PIK3R5: variants seen among roughly 807,000 people sequenced by gnomAD.
The protein encoded by PIK3R5 is phosphoinositide-3-kinase regulatory subunit 5, also known as phosphoinositide 3-kinase regulatory subunit 5.
PIK3R5 carries 32 observed loss-of-function variants against 94.9 expected under a neutral mutation model. That is an observed-to-expected ratio of 0.34 (90% confidence interval 0.25 to 0.45). The LOEUF (loss-of-function observed/expected upper bound fraction) is 0.45. PIK3R5 is among the 20% of genes least tolerant of loss of function. The pLI, the probability that PIK3R5 is intolerant of heterozygous loss-of-function variation, is 1.00. For missense variants in PIK3R5, 853 were observed against 1,144.6 expected (o/e 0.75, Z 3.68); for synonymous variants, 443 against 479.4 (o/e 0.92, Z 0.99).
In PIK3R5 at chr17:8,904,618, T is replaced by C. The variant is rs772180464; in HGVS notation, c.412+159A>G. Among the ~76,000 whole-genome samples, 7 of 152,160 alleles carry C rather than the reference T, an allele frequency of 4.6e-5. No individual in the cohort carries two copies. Among genetic ancestry groups the C allele is most frequent in the Non-Finnish European group, 8.8e-5 (6 of 68,022 alleles). On this transcript the variant is annotated intron_variant, in intron 5 of 18. Coordinates refer to ENST00000447110, the MANE Select transcript of PIK3R5 (RefSeq NM_001142633.3). This position sits in a 1 kb window ranked among gnomAD's most constrained non-coding sequence, Gnocchi z 5.1. ...GATTCAACCATCAGATGCTTGATGG[T>C]GCTGTGAAGAGGAGACTCCATGTTT...
At chr17:8,938,880 G>C (rs1430142503) in intron 1 of PIK3R5, among the ~76,000 whole-genome samples, 1 of 152,176 alleles carries the variant, frequency 6.6e-6, no homozygotes, top group South Asian at 2.1e-4. Context: ...CAGAGCAAAA[G>C]AAAAAGATGA....
chr17:8,890,790 T>C lies in PIK3R5; in HGVS notation c.605A>G (p.Gln202Arg). ...GTCACAGTGGGCCCCAAAGGTGGCC[T>C]GGAAGGCGTGCAGGAGCAGGGTGGT... ...AYTTLLLHAFQATFGAHCDVP... is the reference protein window; with the variant it reads ...AYTTLLLHAFRATFGAHCDVP... Residue 202 changes from glutamine (Q) to arginine (R), a missense_variant, in exon 7 of 19, where the codon CAG becomes CGG. Physicochemically the swap from Gln to Arg is conservative, Grantham distance 43 (BLOSUM62 1). Coordinates refer to ENST00000447110, the MANE Select transcript of PIK3R5 (RefSeq NM_001142633.3). This position sits in a 1 kb window ranked among gnomAD's most constrained non-coding sequence, Gnocchi z 6.1. 6.2e-7 allele frequency: 1 copy of C among 1,612,792 alleles called. No homozygotes were observed. The highest frequency in any genetic ancestry group is 8.5e-7 in the Non-Finnish European group (1 of 1,179,560).
intron 11 of PIK3R5, 124 bp downstream of exon 11, chr17:8,887,397 G>A: frequency 1.5e-6 from 2 of 1,321,196 alleles, no homozygotes; most frequent in South Asian, 1.4e-5. Flanking sequence ...TGCAGGGAGT[G>A]AGGGCCAGGC....
In PIK3R5 at chr17:8,911,340, C is replaced by A; in HGVS notation, c.103+52G>T. The A allele has an allele frequency of 7.1e-7, 1 of 1,416,652 alleles. No individual in the cohort carries two copies. Among genetic ancestry groups the A allele is most frequent in the Non-Finnish European group, 9.9e-7 (1 of 1,015,192 alleles). The allele number at this position is 1,416,652 out of a possible 1,614,324, so 87.8% of individuals were successfully genotyped here. ...TGCCTGGTCCAGTGCCCACCGTGGCCCCTGAGGCTTCCTTGAGCCCTCAAA... is the reference window on the plus strand; with the variant it reads ...TGCCTGGTCCAGTGCCCACCGTGGCACCTGAGGCTTCCTTGAGCCCTCAAA... On this transcript the variant is annotated intron_variant, in intron 2 of 18. Coordinates refer to ENST00000447110, the MANE Select transcript of PIK3R5 (RefSeq NM_001142633.3). The surrounding 1 kb of genome is among the most constrained non-coding windows in gnomAD (Gnocchi z 5.3).
intron 1 of PIK3R5, among the ~76,000 whole-genome samples, chr17:8,933,422 G>GC (rs141674224): frequency 1.6e-3 from 251 of 152,248 alleles, no homozygotes; most frequent in African/African-American, 5.8e-3. Context: ...ATGGTCACCA[G>GC]CAGACATGTA....
At chr17:8,934,547 T>C (rs567123603) in intron 1 of PIK3R5, among the ~76,000 whole-genome samples, 2 of 152,242 alleles carry the variant, frequency 1.3e-5, no homozygotes, top group African/African-American at 2.4e-5. Flanking sequence ...CTTTAAAAAA[T>C]AGAAATGAAT....
In PIK3R5 at chr17:8,888,050, A is replaced by AATAAT. The variant is rs2089921081; in HGVS notation, c.1616+120_1616+121insATTAT. ...ATAATAATAATAATAATAATAATAA[A>AATAAT]ATAAAAATAAATAAGGGAACTTTTG... is the stretch of plus-strand genomic sequence containing the variant. On this transcript the variant is annotated intron_variant, in intron 10 of 18. Transcript: ENST00000447110. The surrounding 1 kb of genome is among the most constrained non-coding windows in gnomAD (Gnocchi z 7.8). 1 of 325,474 alleles carries AATAAT rather than the reference A, an allele frequency of 3.1e-6. No homozygotes were observed. The highest frequency in any genetic ancestry group is 5.0e-5 in the Admixed American group (1 of 20,020). The allele number at this position is 325,474 out of a possible 1,614,324, so 20.2% of individuals were successfully genotyped here.
At chr17:8,959,843 C>T (rs903078085) in intron 1 of PIK3R5, among the ~76,000 whole-genome samples, 3 of 152,154 alleles carry the variant, frequency 2.0e-5, no homozygotes, top group African/African-American at 4.8e-5. Flanking sequence ...CCCAGAACAG[C>T]GGCTCCTAAG....
At chr17:8,942,441 G>A (rs894112580) in intron 1 of PIK3R5, among the ~76,000 whole-genome samples, 1 of 151,950 alleles carries the variant, frequency 6.6e-6, no homozygotes, top group Non-Finnish European at 1.5e-5. Context: ...CCTCACCCAT[G>A]CCACAACCCC....
intron 1 of PIK3R5, among the ~76,000 whole-genome samples, chr17:8,950,829 T>A (rs1455667786): frequency 6.6e-6 from 1 of 152,186 alleles, no homozygotes; most frequent in Non-Finnish European, 1.5e-5. Context: ...ATGAGATCAC[T>A]GGGTCAAATG....
At chr17:8,929,190 G>T (rs897137613) in intron 1 of PIK3R5, among the ~76,000 whole-genome samples, 4 of 152,138 alleles carry the variant, frequency 2.6e-5, no homozygotes, top group Non-Finnish European at 5.9e-5. Flanking sequence ...CAAAATAGCA[G>T]ACTTGAGCCC....
Position 8,886,433 on chromosome 17 carries a change from C to A in PIK3R5, c.2034+44G>T, listed in dbSNP as rs201062997. 2.5e-6 allele frequency: 4 copies of A among 1,598,762 alleles called. No individual in the cohort carries two copies. In the East Asian group the frequency reaches 8.9e-5, roughly 36 times the overall value. On this transcript the variant is annotated intron_variant, in intron 13 of 18. Coordinates refer to ENST00000447110, the MANE Select transcript of PIK3R5 (RefSeq NM_001142633.3). The stretch of plus-strand genomic sequence containing the variant: ...CGGGGCAGGGGTGGGGCCTTGCAGG[C>A]CCGGCAGGTGGGGAAGAGGCGGTTC...
rs2089713195 is a variant in PIK3R5 at position 8,882,811 on chromosome 17, C to G, written c.2206-930G>C. On this transcript the variant is annotated intron_variant, in intron 15 of 18. Coordinates refer to ENST00000447110, the MANE Select transcript of PIK3R5 (RefSeq NM_001142633.3). The surrounding 1 kb of genome is among the most constrained non-coding windows in gnomAD (Gnocchi z 4.1). ...CATCCATGGGCCCTGCTGATTACAT[C>G]ACTCACATCTGTCTCCCATTCCTTT... 6.6e-6 allele frequency among the ~76,000 whole-genome samples: 1 copy of G among 152,136 alleles called. No individual in the cohort carries two copies. Among genetic ancestry groups the G allele is most frequent in the Non-Finnish European group, 1.5e-5 (1 of 68,032 alleles).
chr17:8,941,377 A>T (rs1481818854), intron 1 of PIK3R5, among the ~76,000 whole-genome samples: 3 of 152,154 alleles, frequency 2.0e-5, no homozygotes, highest in Non-Finnish European at 4.4e-5. Flanking sequence ...AGGAGAAAGA[A>T]AAAAAGGGGA....
chr17:8,914,404 C>T (rs2090592064), intron 1 of PIK3R5, among the ~76,000 whole-genome samples: 1 of 152,202 alleles, frequency 6.6e-6, no homozygotes, highest in Non-Finnish European at 1.5e-5. Context: ...CCTCTGCATT[C>T]TAAAGTTCTA....
At position 8,925,441 on chromosome 17, in the gene PIK3R5, T is replaced by C. The variant is rs544676385; in HGVS notation, c.-13-13934A>G. Among the ~76,000 whole-genome samples, 2 of 129,450 alleles carry C rather than the reference T, an allele frequency of 1.5e-5. No homozygotes were observed. Among genetic ancestry groups the C allele is most frequent in the Non-Finnish European group, 3.5e-5 (2 of 56,802 alleles). The allele number at this position is 129,450 out of a possible 152,430, so 84.9% of individuals were successfully genotyped here. On this transcript the variant is annotated intron_variant, in intron 1 of 18. Transcript: ENST00000447110. This position sits in a 1 kb window ranked among gnomAD's most constrained non-coding sequence, Gnocchi z 5.1. Reference sequence around the variant, plus strand: ...GGTAGATAGTAGATGGAGAGATAGATAGTAGATGGATAGATAGTAGATGGA... The same window carrying C: ...GGTAGATAGTAGATGGAGAGATAGACAGTAGATGGATAGATAGTAGATGGA...
Position 8,880,604 on chromosome 17 carries a change from C to G in PIK3R5, c.*35G>C, listed in dbSNP as rs370478657. 4.2e-5 allele frequency: 66 copies of G among 1,562,004 alleles called. No homozygotes were observed. The highest frequency in any genetic ancestry group is 5.7e-5 in the Non-Finnish European group (66 of 1,154,884). ...TGGAGGGGTGGCCGAGGAGGTTGCC[C>G]CAGGGCTTCTGTCCAGTCTGGCGCT... is the stretch of plus-strand genomic sequence containing the variant. On this transcript the variant is annotated 3_prime_UTR_variant, in exon 19 of 19. Coordinates refer to ENST00000447110, the MANE Select transcript of PIK3R5 (RefSeq NM_001142633.3).
At chr17:8,963,544 G>A (rs1436511406) in intron 1 of PIK3R5, among the ~76,000 whole-genome samples, 3 of 142,144 alleles carry the variant, frequency 2.1e-5, no homozygotes, top group Admixed American at 1.4e-4. Context: ...TTTTTTGTTT[G>A]TCTGTTTGCT....
intron 5 of PIK3R5, among the ~76,000 whole-genome samples, chr17:8,894,059 ATTCCAGCTCTTC>A (rs2090090745): frequency 6.6e-6 from 1 of 152,140 alleles, no homozygotes; most frequent in Non-Finnish European, 1.5e-5. Context: ...CCTGAGTTCT[ATTCCAGCTCTTC>A]TGCGTGGCCT....
Sources: allele counts gnomAD v4.1 joint callset (sites outside exome capture counted in the v4.1 genomes callset), GRCh38; gene constraint gnomAD v4.1.1; non-coding constraint Gnocchi (gnomAD v3.1); transcripts MANE v1.5; gene names NCBI Gene and HGNC (gene_info 2026-07-23, HGNC 2026-07-21).